Variants in CSMD1 observed in about 807,000 individuals in gnomAD.
CSMD1 encodes the protein CUB and sushi domain-containing protein 1.
In CSMD1, 213 loss-of-function variants were observed where a neutral mutation model predicts 417.5. That is an observed-to-expected ratio of 0.51 (90% confidence interval 0.46 to 0.57). The LOEUF (loss-of-function observed/expected upper bound fraction) is 0.57, where lower values mean the gene tolerates loss of function less well. CSMD1 is among the 20% of genes least tolerant of loss of function. The pLI is 0.00. For missense variants in CSMD1, 6,923 were observed against 4,529.7 expected, an observed-to-expected ratio of 1.53 and a Z score of -15.17; for synonymous variants, 2,862 against 1,736.8, an observed-to-expected ratio of 1.65 and a Z score of -16.11.
At chr8:4,300,723 C>T (rs1797939532) in intron 3 of CSMD1, among the ~76,000 whole-genome samples, 1 of 152,230 alleles carries the variant, frequency 6.6e-6, no homozygotes, top group Non-Finnish European at 1.5e-5. Flanking sequence ...TGTGATGTTC[C>T]CCTTCCTGCG....
At chr8:4,079,432 G>A (rs1353268018) in intron 3 of CSMD1, among the ~76,000 whole-genome samples, 3 of 152,258 alleles carry the variant, frequency 2.0e-5, no homozygotes, top group South Asian at 4.1e-4. Flanking sequence ...ACAGGATATA[G>A]AACACCATCA....
chr8:3,974,486 A>G (rs1287765641), intron 5 of CSMD1, among the ~76,000 whole-genome samples: 2 of 151,502 alleles, frequency 1.3e-5, no homozygotes, highest in Non-Finnish European at 2.9e-5. Flanking sequence ...ATTAAAACAG[A>G]AAAAAAGTAT....
chr8:3,475,321 C>T (rs976805347), intron 11 of CSMD1, among the ~76,000 whole-genome samples: 5 of 151,986 alleles, frequency 3.3e-5, no homozygotes. Flanking sequence ...CCACTTTATC[C>T]CTAGTCTCTA....
intron 5 of CSMD1, among the ~76,000 whole-genome samples, chr8:3,760,745 C>G (rs141805575): frequency 6.6e-6 from 1 of 152,284 alleles, no homozygotes; most frequent in East Asian, 1.9e-4. Context: ...TTTCTTATGT[C>G]TTTAGAAAAT....
chr8:3,964,130 G>C (rs191175456), intron 5 of CSMD1, among the ~76,000 whole-genome samples: 1 of 152,134 alleles, frequency 6.6e-6, no homozygotes, highest in African/African-American at 2.4e-5. Context: ...AAAGTTTTGC[G>C]TAAAATTCAC....
At chr8:4,436,793 TATTTC>T (rs559605781) in intron 2 of CSMD1, among the ~76,000 whole-genome samples, 62 of 152,322 alleles carry the variant, frequency 4.1e-4, no homozygotes, top group African/African-American at 1.4e-3. Context: ...GTGCCTACCT[TATTTC>T]ATTTAACAAT....
chr8:3,588,202 C>T (rs924001464), intron 8 of CSMD1, among the ~76,000 whole-genome samples: 6 of 151,980 alleles, frequency 3.9e-5, no homozygotes, highest in Admixed American at 1.3e-4. Flanking sequence ...TGTCATTGAA[C>T]ATCTGCTATG....
intron 10 of CSMD1, among the ~76,000 whole-genome samples, chr8:3,531,867 C>T (rs1284695780): frequency 1.3e-5 from 2 of 152,148 alleles, no homozygotes; most frequent in African/African-American, 4.8e-5. Context: ...GCCGGTCCAC[C>T]ATGGGGCCCC....
At chr8:3,502,145 A>C (rs1358708419) in intron 10 of CSMD1, among the ~76,000 whole-genome samples, 2 of 152,090 alleles carry the variant, frequency 1.3e-5, no homozygotes, top group African/African-American at 2.4e-5. Context: ...CTGGCAGATC[A>C]CGAGGTCAGG....
At chr8:4,420,551 T>C (rs1259286113) in intron 2 of CSMD1, among the ~76,000 whole-genome samples, 1 of 152,130 alleles carries the variant, frequency 6.6e-6, no homozygotes, top group African/African-American at 2.4e-5. Flanking sequence ...TAATAAAAAA[T>C]ATGACAGGTA....
At chr8:4,721,500 A>C (rs1262662410) in intron 1 of CSMD1, among the ~76,000 whole-genome samples, 2 of 152,220 alleles carry the variant, frequency 1.3e-5, no homozygotes, top group Non-Finnish European at 2.9e-5. Flanking sequence ...TATACAAATC[A>C]AAACTATGAA....
intron 2 of CSMD1, among the ~76,000 whole-genome samples, chr8:4,423,793 G>C (rs566671488): frequency 1.8e-4 from 27 of 151,878 alleles, no homozygotes; most frequent in Non-Finnish European, 3.1e-4. Context: ...AGGAGAAACA[G>C]TTCACCTGAT....
intron 6 of CSMD1, among the ~76,000 whole-genome samples, chr8:3,734,649 C>T (rs150564224): frequency 9.9e-5 from 15 of 152,070 alleles, no homozygotes; most frequent in South Asian, 6.2e-4. Context: ...AGGCGGAGGT[C>T]GCAGTGAGCC....
chr8:4,185,241 A>T (rs1394626031), intron 3 of CSMD1, among the ~76,000 whole-genome samples: 1 of 151,868 alleles, frequency 6.6e-6, no homozygotes, highest in Non-Finnish European at 1.5e-5. Context: ...CTTGCCTTTG[A>T]ATCCTGGCCC....
chr8:4,005,705 C>G (rs902707305), intron 4 of CSMD1, among the ~76,000 whole-genome samples: 5 of 152,222 alleles, frequency 3.3e-5, no homozygotes, highest in Non-Finnish European at 5.9e-5. Context: ...ACTTTCAAGA[C>G]TCCCTCATTT....
intron 25 of CSMD1, among the ~76,000 whole-genome samples, chr8:3,303,742 C>A (rs1022097145): frequency 1.3e-5 from 2 of 152,186 alleles, no homozygotes; most frequent in Non-Finnish European, 2.9e-5. Flanking sequence ...CAAAGCATGG[C>A]TGTGCCCAGC....
chr8:4,219,019 C>A (rs1038452647), intron 3 of CSMD1, among the ~76,000 whole-genome samples: 2 of 152,152 alleles, frequency 1.3e-5, no homozygotes, highest in Non-Finnish European at 1.5e-5. Flanking sequence ...TCAAGTCACA[C>A]TTTGTGTCAT....
At chr8:4,103,066 G>A (rs1337632667) in intron 3 of CSMD1, among the ~76,000 whole-genome samples, 2 of 152,134 alleles carry the variant, frequency 1.3e-5, no homozygotes, top group South Asian at 2.1e-4. Context: ...TTACATGGTT[G>A]TGCCCTTGGT....
chr8:3,701,083 T>C (rs1800838567), intron 7 of CSMD1, among the ~76,000 whole-genome samples: 2 of 152,028 alleles, frequency 1.3e-5, no homozygotes, highest in East Asian at 1.9e-4. Context: ...TGTGAAGGTC[T>C]AGGGACTGAA....
Sources: gnomAD v4.1 joint callset for allele counts (sites outside exome capture counted in the v4.1 genomes callset) on GRCh38, gnomAD v4.1.1 for gene constraint, MANE v1.5 for transcripts, NCBI Gene and HGNC (gene_info 2026-07-23, HGNC 2026-07-21) for gene names.